Variants in DGKB observed in about 807,000 individuals in gnomAD.
DGKB encodes 90 kDa diacylglycerol kinase.
Under a neutral mutation model 114.3 loss-of-function variants are expected in DGKB, and 67 were observed. The observed-to-expected ratio is 0.59, with a 90% CI of 0.48 to 0.72. The LOEUF (loss-of-function observed/expected upper bound fraction) is 0.72, where lower values mean the gene tolerates loss of function less well. Ranked by LOEUF, DGKB falls within the 30% of genes least tolerant of loss-of-function variation. The probability of loss-of-function intolerance (pLI) is 0.00; values close to 1 mark genes in which losing one functional copy is unlikely to be tolerated. For synonymous variants in DGKB, 398 were observed against 323.1 expected (o/e 1.23, Z -2.49); for missense variants, 907 against 975.2 (o/e 0.93, Z 0.93).
chr7:14,883,522 A>C (rs937815889), intron 1 of DGKB, among the ~76,000 whole-genome samples: 2 of 152,020 alleles, frequency 1.3e-5, no homozygotes, highest in Non-Finnish European at 2.9e-5. Context: ...GAATACACAC[A>C]TATATACATA....
chr7:14,945,146 T>C (rs1459469967), intron 1 of DGKB, among the ~76,000 whole-genome samples: 1 of 151,716 alleles, frequency 6.6e-6, no homozygotes, highest in African/African-American at 2.4e-5. Context: ...ACATAATGGA[T>C]ACTACACAAC....
chr7:14,360,593 C>T (rs1020793608), intron 21 of DGKB, among the ~76,000 whole-genome samples: 3 of 151,896 alleles, frequency 2.0e-5, no homozygotes, highest in African/African-American at 4.8e-5. Context: ...GATTTCCCAT[C>T]CTGAATGATG....
chr7:14,933,153 C>A (rs753106873), intron 1 of DGKB, among the ~76,000 whole-genome samples: 9 of 152,158 alleles, frequency 5.9e-5, no homozygotes, highest in African/African-American at 1.4e-4. Flanking sequence ...CACTAACTAC[C>A]AGAATTTCCC....
At chr7:14,690,111 C>T (rs1822560034) in intron 9 of DGKB, among the ~76,000 whole-genome samples, 2 of 152,232 alleles carry the variant, frequency 1.3e-5, no homozygotes, top group South Asian at 2.1e-4. Context: ...TCTCTTTTCC[C>T]TATAATATAA....
At chr7:14,957,878 GA>G (rs1324961241) in intron 1 of DGKB, among the ~76,000 whole-genome samples, 1 of 151,968 alleles carries the variant, frequency 6.6e-6, no homozygotes, top group Non-Finnish European at 1.5e-5. Flanking sequence ...AAAAGATAGT[GA>G]AAGTTCAAAA....
At chr7:14,628,307 A>ATGTGTG (rs139191761) in intron 14 of DGKB, among the ~76,000 whole-genome samples, 8 of 150,574 alleles carry the variant, frequency 5.3e-5, no homozygotes, top group African/African-American at 1.9e-4. Flanking sequence ...AACACAAGTT[A>ATGTGTG]TGTGTGTGTG....
intron 23 of DGKB, among the ~76,000 whole-genome samples, chr7:14,315,179 T>A (rs1806233631): frequency 7.1e-6 from 1 of 141,770 alleles, no homozygotes; most frequent in Middle Eastern, 3.5e-3. Flanking sequence ...TGCAAAATCA[T>A]GCCAAAATGT....
At chr7:14,793,308 C>T (rs534153242) in intron 2 of DGKB, among the ~76,000 whole-genome samples, 78 of 152,202 alleles carry the variant, frequency 5.1e-4, no homozygotes, top group African/African-American at 1.7e-3. Context: ...ATTGCTCCCC[C>T]GCCAATCCTG....
intron 1 of DGKB, among the ~76,000 whole-genome samples, chr7:14,897,213 A>G (rs1214774905): frequency 6.6e-6 from 1 of 151,952 alleles, no homozygotes; most frequent in Non-Finnish European, 1.5e-5. Context: ...CATAGATACA[A>G]TATTTGAATA....
chr7:14,650,292 C>G (rs1738286781), intron 13 of DGKB, among the ~76,000 whole-genome samples: 1 of 65,064 alleles, frequency 1.5e-5, no homozygotes, highest in Admixed American at 1.8e-4. Flanking sequence ...TTATAACAAA[C>G]TATCTCTCAG....
At position 14,929,204 on chromosome 7, in the gene DGKB, A is replaced by G. The variant is rs78767215; in HGVS notation, c.-188+45492T>C. On this transcript the variant is annotated intron_variant, in intron 1 of 4. Coordinates refer to the DGKB transcript ENST00000437998. ...TGCTGTCATCAACATATGAGTGCAG[A>G]TATCTTTTTGGTATAACGATATTAT... 1.2e-4 allele frequency among the ~76,000 whole-genome samples: 18 copies of G among 152,172 alleles called. No individual in the cohort carries two copies. In the East Asian group the frequency reaches 1.5e-3, roughly 13 times the overall value.
intron 23 of DGKB, among the ~76,000 whole-genome samples, chr7:14,301,540 A>C (rs1459910627): frequency 6.6e-6 from 1 of 152,154 alleles, no homozygotes; most frequent in African/African-American, 2.4e-5. Context: ...AGCAGTCAGT[A>C]ATCTTTTAAA....
chr7:14,505,601 A>G (rs1252945858), intron 20 of DGKB, among the ~76,000 whole-genome samples: 2 of 152,234 alleles, frequency 1.3e-5, no homozygotes, highest in Non-Finnish European at 2.9e-5. Flanking sequence ...TTTGCCTCCA[A>G]AGACCAATGT....
intron 1 of DGKB, among the ~76,000 whole-genome samples, chr7:14,925,359 A>AT (rs1474528278): frequency 6.6e-6 from 1 of 152,124 alleles, no homozygotes; most frequent in Non-Finnish European, 1.5e-5. Flanking sequence ...CTGTTCATGT[A>AT]TTTTGCGCAT....
chr7:14,919,095 A>ACAAACACACACACACACACAC (rs1554345122), intron 1 of DGKB, among the ~76,000 whole-genome samples: 1 of 114,918 alleles, frequency 8.7e-6, no homozygotes, highest in African/African-American at 3.6e-5. Context: ...CACACACACA[A>ACAAACACACACACACACACAC]ACACACACAC....
intron 21 of DGKB, among the ~76,000 whole-genome samples, chr7:14,452,086 GT>G (rs1831605855): frequency 1.3e-5 from 2 of 152,126 alleles, no homozygotes; most frequent in South Asian, 4.2e-4. Context: ...GTTTTTGACT[GT>G]TTAGAAAATA....
chr7:14,639,867 C>A (rs891165202), intron 13 of DGKB, among the ~76,000 whole-genome samples: 11 of 152,066 alleles, frequency 7.2e-5, no homozygotes, highest in African/African-American at 2.4e-4. Context: ...GAGTGCAATT[C>A]GATTTAGTAA....
intron 21 of DGKB, among the ~76,000 whole-genome samples, chr7:14,437,719 T>C (rs944766887): frequency 6.6e-6 from 1 of 151,300 alleles, no homozygotes; most frequent in Non-Finnish European, 1.5e-5. Context: ...TTTTCAACAA[T>C]TTATGATATA....
intron 1 of DGKB, among the ~76,000 whole-genome samples, chr7:14,910,517 A>T (rs1007699784): frequency 3.3e-5 from 5 of 152,106 alleles, no homozygotes; most frequent in Non-Finnish European, 7.4e-5. Context: ...GTGAGAAAAA[A>T]TACTTTTATG....
Sources: allele counts gnomAD v4.1 joint callset (sites outside exome capture counted in the v4.1 genomes callset), GRCh38; gene constraint gnomAD v4.1.1; transcripts MANE v1.5; gene names NCBI Gene and HGNC (gene_info 2026-07-23, HGNC 2026-07-21).